GRIA4: variants seen among roughly 807,000 people sequenced by gnomAD.
GRIA4 encodes glutamate ionotropic receptor AMPA type subunit 4, also known as glutamate receptor 4.
A neutral mutation model predicts 104.0 loss-of-function variants in GRIA4; 34 were observed. The ratio of observed to expected loss-of-function variants is 0.33; its 90% CI spans 0.25 to 0.44. The LOEUF is 0.44. Among genes scored for constraint, GRIA4 ranks in the 20% least tolerant of loss-of-function variants. GRIA4 has a pLI of 1.00. For missense variants in GRIA4, 750 were observed against 1,096.5 expected (o/e 0.68, Z 4.46); for synonymous variants, 386 against 381.9 (o/e 1.01, Z -0.13).
intron 3 of GRIA4, among the ~76,000 whole-genome samples, chr11:105,651,102 A>C (rs1328618457): frequency 6.6e-6 from 1 of 152,182 alleles, no homozygotes; most frequent in Non-Finnish European, 1.5e-5. Flanking sequence ...ATTTTCAAGT[A>C]ACTTATTAAA....
At chr11:105,639,951 A>C (rs1951313361) in intron 3 of GRIA4, among the ~76,000 whole-genome samples, 1 of 151,822 alleles carries the variant, frequency 6.6e-6, no homozygotes, top group South Asian at 2.1e-4. Flanking sequence ...CATGTTTCCT[A>C]TTTTTTTATG....
intron 14 of GRIA4, among the ~76,000 whole-genome samples, chr11:105,949,316 C>A (rs1948405937): frequency 6.6e-6 from 1 of 152,118 alleles, no homozygotes; most frequent in African/African-American, 2.4e-5. Context: ...TGAAGGATTC[C>A]CTTTCGTTTG....
At chr11:105,700,371 A>C (rs1461441207) in intron 3 of GRIA4, among the ~76,000 whole-genome samples, 1 of 152,170 alleles carries the variant, frequency 6.6e-6, no homozygotes, top group Non-Finnish European at 1.5e-5. Flanking sequence ...TGGCAATTGC[A>C]AGCTGATGCC....
chr11:105,847,681 T>A (rs944229063), intron 4 of GRIA4, among the ~76,000 whole-genome samples: 8 of 152,192 alleles, frequency 5.3e-5, no homozygotes, highest in Admixed American at 2.0e-4. Context: ...CTATGGAAAG[T>A]TATTTTTAGA....
intron 9 of GRIA4, among the ~76,000 whole-genome samples, chr11:105,907,881 G>T (rs1565333775): frequency 6.6e-6 from 1 of 152,100 alleles, no homozygotes; most frequent in Non-Finnish European, 1.5e-5. Flanking sequence ...GAAAGAGGTG[G>T]AGCTGCAGTA....
chr11:105,966,134 G>A (rs1343749706), intron 14 of GRIA4: 2 of 1,053,692 alleles, frequency 1.9e-6, no homozygotes, highest in Non-Finnish European at 2.9e-6. Context: ...GAGACTTATG[G>A]TTTGGACCTC....
rs1947655269 is a variant in GRIA4, at chr11:105,924,577, T to C, written c.1655T>C (p.Val552Ala). 6.2e-7 allele frequency: 1 copy of C among 1,612,816 alleles called. No individual in the cohort carries two copies. Among genetic ancestry groups the C allele is most frequent in the African/African-American group, 1.3e-5 (1 of 74,840 alleles). ...GCCTATGAGATTTGGATGTGCATAG[T>C]CTTTGCCTACATTGGTGTCAGCGTG... Reference protein sequence around the residue: ...PLAYEIWMCIVFAYIGVSVVL... With the variant: ...PLAYEIWMCIAFAYIGVSVVL... Residue 552 changes from valine to alanine, a missense_variant, in exon 12 of 17, where the codon GTC becomes GCC. Coordinates refer to ENST00000282499, the MANE Select transcript of GRIA4 (RefSeq NM_000829.4).
intron 4 of GRIA4, among the ~76,000 whole-genome samples, chr11:105,803,618 G>A (rs1942813303): frequency 6.6e-6 from 1 of 151,782 alleles, no homozygotes; most frequent in South Asian, 2.1e-4. Flanking sequence ...TTAGATCAAT[G>A]TTCATGAACA....
intron 4 of GRIA4, among the ~76,000 whole-genome samples, chr11:105,794,504 T>TATATATATAC (rs1942389283): frequency 6.5e-5 from 8 of 122,214 alleles, no homozygotes; most frequent in African/African-American, 2.0e-4. Context: ...TATATATATA[T>TATATATATAC]ATATATATAC....
chr11:105,652,095 C>A (rs11226819), intron 3 of GRIA4, among the ~76,000 whole-genome samples: 68,213 of 151,700 alleles, frequency 0.45, 15,466 homozygotes, highest in East Asian at 0.56. Flanking sequence ...AACCCTTATG[C>A]CTATAGAAAG....
intron 3 of GRIA4, among the ~76,000 whole-genome samples, chr11:105,725,907 G>C (rs1938174676): frequency 6.6e-6 from 1 of 152,150 alleles, no homozygotes; most frequent in South Asian, 2.1e-4. Flanking sequence ...CACAAACCAG[G>C]AGATTCCCTC....
chr11:105,740,610 T>A (rs1170823605), intron 3 of GRIA4, among the ~76,000 whole-genome samples: 1 of 152,078 alleles, frequency 6.6e-6, no homozygotes, highest in East Asian at 1.9e-4. Flanking sequence ...TTTCAAATAG[T>A]GGTAAGAGCT....
intron 14 of GRIA4, among the ~76,000 whole-genome samples, chr11:105,970,894 G>T (rs982214639): frequency 3.9e-5 from 6 of 152,166 alleles, no homozygotes; most frequent in African/African-American, 1.4e-4. Context: ...AAAACGGAAA[G>T]AATTATTAAA....
At chr11:105,782,997 T>C (rs1941797125) in intron 4 of GRIA4, among the ~76,000 whole-genome samples, 1 of 152,166 alleles carries the variant, frequency 6.6e-6, no homozygotes. Context: ...GTTTTATCAA[T>C]ATGCAACTCA....
intron 4 of GRIA4, among the ~76,000 whole-genome samples, chr11:105,825,778 A>G (rs1272772321): frequency 1.3e-5 from 2 of 151,894 alleles, no homozygotes; most frequent in Non-Finnish European, 2.9e-5. Context: ...AGGTACTAAC[A>G]CCTCTCTATT....
chr11:105,634,130 C>G (rs572797071), intron 3 of GRIA4, among the ~76,000 whole-genome samples: 1 of 151,844 alleles, frequency 6.6e-6, no homozygotes, highest in Admixed American at 6.6e-5. Context: ...GGGCAGATCA[C>G]GAGGTCAGGA....
At chr11:105,801,440 G>C (rs986952722) in intron 4 of GRIA4, among the ~76,000 whole-genome samples, 3 of 151,920 alleles carry the variant, frequency 2.0e-5, no homozygotes, top group African/African-American at 7.2e-5. Flanking sequence ...AAAATAGAAA[G>C]TAATATGTTT....
At chr11:105,630,774 G>C (rs1045900213) in intron 3 of GRIA4, among the ~76,000 whole-genome samples, 4 of 151,978 alleles carry the variant, frequency 2.6e-5, no homozygotes, top group Non-Finnish European at 5.9e-5. Context: ...CTCCATCTGA[G>C]TAGGTGACTG....
intron 3 of GRIA4, among the ~76,000 whole-genome samples, chr11:105,675,719 T>A (rs1243761623): frequency 6.6e-6 from 1 of 151,832 alleles, no homozygotes; most frequent in Non-Finnish European, 1.5e-5. Context: ...TGTGGTTAGT[T>A]GGTAGGCATG....
Sources: allele counts gnomAD v4.1 joint callset (sites outside exome capture counted in the v4.1 genomes callset), GRCh38; gene constraint gnomAD v4.1.1; transcripts MANE v1.5; gene names NCBI Gene and HGNC (gene_info 2026-07-23, HGNC 2026-07-21).